Variants in CHCHD6 observed in about 807,000 individuals in gnomAD.
The protein encoded by CHCHD6 is coiled-coil-helix-coiled-coil-helix domain containing 6.
In CHCHD6, 28 loss-of-function variants were observed where a neutral mutation model predicts 32.3. That is an observed-to-expected ratio of 0.87 (90% CI 0.64 to 1.19). The LOEUF is 1.19. Ranked by LOEUF, CHCHD6 falls within the 50% of genes most tolerant of loss-of-function variation. CHCHD6 has a pLI of 0.00. For synonymous variants in CHCHD6, 122 were observed against 117.5 expected (o/e 1.04, Z -0.25); for missense variants, 333 against 307.0 (o/e 1.08, Z -0.63).
chr3:126,726,479 A>G (rs1201167434), intron 1 of CHCHD6, among the ~76,000 whole-genome samples: 1 of 152,242 alleles, frequency 6.6e-6, no homozygotes, highest in Non-Finnish European at 1.5e-5. Flanking sequence ...TGAGAGACAC[A>G]AAGTACATGC....
At chr3:126,766,082 A>G (rs1454621979) in intron 4 of CHCHD6, among the ~76,000 whole-genome samples, 1 of 152,098 alleles carries the variant, frequency 6.6e-6, no homozygotes, top group African/African-American at 2.4e-5. Flanking sequence ...CATGATGGTA[A>G]TCATAACTGG....
intron 3 of CHCHD6, among the ~76,000 whole-genome samples, chr3:126,731,202 TAG>T (rs773611922): frequency 2.5e-4 from 38 of 151,762 alleles, no homozygotes; most frequent in Non-Finnish European, 4.4e-4. Flanking sequence ...GGCATGTTTT[TAG>T]AGAGATGAGG....
intron 4 of CHCHD6, among the ~76,000 whole-genome samples, chr3:126,830,580 C>T (rs1940598403): frequency 1.3e-5 from 2 of 152,316 alleles, no homozygotes; most frequent in South Asian, 2.1e-4. Context: ...GGGTAGAAAC[C>T]TTCTTCCTCA....
At chr3:126,789,220 C>T (rs1159543851) in intron 4 of CHCHD6, among the ~76,000 whole-genome samples, 1 of 152,148 alleles carries the variant, frequency 6.6e-6, no homozygotes, top group Non-Finnish European at 1.5e-5. Context: ...TTTACATTTG[C>T]TGAGGAGTGC....
intron 6 of CHCHD6, chr3:126,957,089 T>C: frequency 2.5e-6 from 1 of 400,912 alleles, no homozygotes; most frequent in South Asian, 2.7e-5. Flanking sequence ...ACCATCCTCA[T>C]GGGGGCCCTC....
At chr3:126,958,574 C>G (rs914001824) in intron 7 of CHCHD6, among the ~76,000 whole-genome samples, 4 of 152,228 alleles carry the variant, frequency 2.6e-5, no homozygotes, top group East Asian at 3.9e-4. Context: ...GGGTCATGCC[C>G]TGCTCACACC....
At chr3:126,893,244 G>A (rs2077790716) in intron 5 of CHCHD6, among the ~76,000 whole-genome samples, 1 of 152,228 alleles carries the variant, frequency 6.6e-6, no homozygotes, top group African/African-American at 2.4e-5. Context: ...TTACAGGCAT[G>A]AGCCACAGCG....
intron 4 of CHCHD6, among the ~76,000 whole-genome samples, chr3:126,739,869 T>C (rs1364600435): frequency 6.6e-6 from 1 of 152,234 alleles, no homozygotes; most frequent in African/African-American, 2.4e-5. Flanking sequence ...CTATTTTCTC[T>C]CTTGATACTG....
In CHCHD6 at chr3:126,737,940, G is replaced by A. The variant is rs1274968879; in HGVS notation, c.411+4718G>A. Among the ~76,000 whole-genome samples the A allele has an allele frequency of 2.0e-5, 3 of 152,224 alleles. No individual in the cohort carries two copies. The East Asian group carries it at 5.8e-4, about 29-fold the overall frequency. The stretch of plus-strand genomic sequence containing the variant: ...TCTGAACCTCAAAAGAGATAAATAG[G>A]AGACAGCTGGACATTGATCACTAGG... On this transcript the variant is annotated intron_variant, in intron 4 of 7. Transcript: ENST00000290913.
At chr3:126,749,078 T>C (rs1245425665) in intron 4 of CHCHD6, among the ~76,000 whole-genome samples, 1 of 152,050 alleles carries the variant, frequency 6.6e-6, no homozygotes, top group African/African-American at 2.4e-5. Flanking sequence ...CTGCAGTTTG[T>C]GGGGAGTGTG....
intron 4 of CHCHD6, among the ~76,000 whole-genome samples, chr3:126,734,629 C>T (rs1935959215): frequency 6.6e-6 from 1 of 152,150 alleles, no homozygotes; most frequent in South Asian, 2.1e-4. Flanking sequence ...AGAAGACAAA[C>T]TAAGAACTTT....
intron 5 of CHCHD6, among the ~76,000 whole-genome samples, chr3:126,864,873 C>A (rs1942200242): frequency 7.7e-6 from 1 of 130,408 alleles, no homozygotes; most frequent in African/African-American, 3.6e-5. Context: ...CCACCATCAT[C>A]TCCTCCTCCT....
intron 6 of CHCHD6, among the ~76,000 whole-genome samples, chr3:126,929,975 A>G (rs2078380135): frequency 6.6e-6 from 1 of 152,234 alleles, no homozygotes; most frequent in Non-Finnish European, 1.5e-5. Flanking sequence ...GACCTCATCC[A>G]TCTAGGTACA....
At chr3:126,888,673 G>T (rs1010948427) in intron 5 of CHCHD6, among the ~76,000 whole-genome samples, 2 of 152,186 alleles carry the variant, frequency 1.3e-5, no homozygotes, top group African/African-American at 2.4e-5. Flanking sequence ...GACAGCCCTC[G>T]TCTGGTGAGT....
chr3:126,887,758 G>T (rs915665126), intron 5 of CHCHD6, among the ~76,000 whole-genome samples: 1 of 152,214 alleles, frequency 6.6e-6, no homozygotes, highest in African/African-American at 2.4e-5. Context: ...TGGACCAGCC[G>T]CAGCATAGGG....
chr3:126,720,406 T>G (rs1323305594), intron 1 of CHCHD6, among the ~76,000 whole-genome samples: 1 of 152,150 alleles, frequency 6.6e-6, no homozygotes, highest in East Asian at 1.9e-4. Context: ...AGGGGCCTGG[T>G]GCATTCCCAC....
intron 6 of CHCHD6, among the ~76,000 whole-genome samples, chr3:126,946,099 G>A (rs1220917675): frequency 2.0e-5 from 3 of 152,076 alleles, no homozygotes; most frequent in Non-Finnish European, 2.9e-5. Context: ...GGACTCCCCT[G>A]TGTCCAGAGG....
intron 5 of CHCHD6, among the ~76,000 whole-genome samples, chr3:126,864,596 TC>T: frequency 7.5e-6 from 1 of 133,668 alleles, no homozygotes; most frequent in Non-Finnish European, 1.6e-5. Context: ...CTCCACCACC[TC>T]CTTCTCCTCC....
intron 1 of CHCHD6, among the ~76,000 whole-genome samples, chr3:126,708,727 G>A (rs1241660078): frequency 6.7e-6 from 1 of 150,340 alleles, no homozygotes; most frequent in East Asian, 2.0e-4. Flanking sequence ...ATGCTTTTTA[G>A]TAAACTGTGG....
Sources: gnomAD v4.1 joint callset for allele counts (sites outside exome capture counted in the v4.1 genomes callset) on GRCh38, gnomAD v4.1.1 for gene constraint, MANE v1.5 for transcripts, NCBI Gene and HGNC (gene_info 2026-07-23, HGNC 2026-07-21) for gene names.